The following PPP1R12A variants were observed in gnomAD, a reference collection of about 807,000 sequenced individuals.
The protein encoded by PPP1R12A is myosin binding subunit.
In PPP1R12A, 19 loss-of-function variants were observed where a neutral mutation model predicts 139.6. The ratio of observed to expected loss-of-function variants is 0.14; its 90% confidence interval spans 0.09 to 0.20. The LOEUF is 0.20. Among genes scored for constraint, PPP1R12A ranks in the 10% least tolerant of loss-of-function variants. The probability of loss-of-function intolerance (pLI) is 1.00; values close to 1 mark genes in which losing one functional copy is unlikely to be tolerated. For synonymous variants in PPP1R12A, 427 were observed against 420.6 expected, an observed-to-expected ratio of 1.02 and a Z score of -0.19; for missense variants, 925 against 1,211.5, an observed-to-expected ratio of 0.76 and a Z score of 3.51.
In PPP1R12A at chr12:79,778,350, G is replaced by A. The variant is rs1425848967; in HGVS notation, c.3006+200C>T. On this transcript the variant is annotated intron_variant, in intron 24 of 24. Coordinates refer to ENST00000450142, the MANE Select transcript of PPP1R12A (RefSeq NM_002480.3). ...TTTATTTTTGCTCCTTCTTTTCATA[G>A]GTGTTAAGATTTGGGTTTTAGACCC... 47 of 363,626 alleles carry A rather than the reference G, an allele frequency of 1.3e-4. 1 individual carries two copies. The highest frequency in any genetic ancestry group is 1.0e-4 in the Non-Finnish European group (21 of 204,100). 22.5% of individuals were successfully genotyped at this position (363,626 alleles called of 1,614,324 possible). A position where few individuals can be genotyped will look rare whatever the true frequency, so the allele number is the denominator to read the frequency against.
intron 5 of PPP1R12A, 86 bp downstream of exon 5, chr12:79,828,234 A>G: frequency 8.4e-7 from 1 of 1,184,284 alleles, no homozygotes; most frequent in Non-Finnish European, 1.2e-6. Context: ...TAATCCTTAT[A>G]ACCTTTTGAG....
intron 5 of PPP1R12A, among the ~76,000 whole-genome samples, chr12:79,827,601 T>A (rs986034801): frequency 5.9e-5 from 9 of 152,144 alleles, no homozygotes; most frequent in Admixed American, 6.6e-5. Flanking sequence ...TGACTGATAG[T>A]GTATCTAAAA....
chr12:79,836,929 G>T (rs554801778), intron 3 of PPP1R12A, among the ~76,000 whole-genome samples: 18 of 152,234 alleles, frequency 1.2e-4, no homozygotes, highest in Middle Eastern at 6.8e-3. Flanking sequence ...CTATGCTCTG[G>T]TTTCATTTGT....
chr12:79,819,366 T>C (rs573424178), intron 8 of PPP1R12A: 7 of 152,350 alleles, frequency 4.6e-5, no homozygotes, highest in South Asian at 2.1e-4. Context: ...TTTTAAATAG[T>C]TCCTTGGTGT....
intron 2 of PPP1R12A, among the ~76,000 whole-genome samples, chr12:79,861,518 C>T (rs1189973698): frequency 6.6e-6 from 1 of 152,202 alleles, no homozygotes; most frequent in African/African-American, 2.4e-5. Flanking sequence ...GTTGCCTCAC[C>T]TGGGAAGCGC....
chr12:79,847,583 G>A (rs887818078), intron 2 of PPP1R12A, among the ~76,000 whole-genome samples: 1 of 151,944 alleles, frequency 6.6e-6, no homozygotes, highest in African/African-American at 2.4e-5. Flanking sequence ...GTATGCATCT[G>A]GCACTATGTT....
rs549150183 is a variant in PPP1R12A at position 79,909,300 on chromosome 12, T to C, written c.237+25395A>G. On this transcript the variant is annotated intron_variant, in intron 1 of 24. Transcript: ENST00000450142. ...TCTGTTATATCCTTAAATACTATTA[T>C]ATAAGTGTTTACTATTTACTATTCC... is the stretch of plus-strand genomic sequence containing the variant. Among the ~76,000 whole-genome samples, 4 of 152,330 alleles carry C rather than the reference T, an allele frequency of 2.6e-5. No individual in the cohort carries two copies. In the South Asian group the frequency reaches 6.2e-4, roughly 24 times the overall value.
At chr12:79,813,228 C>A (rs1175618890) in intron 9 of PPP1R12A, among the ~76,000 whole-genome samples, 2 of 152,084 alleles carry the variant, frequency 1.3e-5, no homozygotes, top group African/African-American at 2.4e-5. Context: ...ATTTTTCCTG[C>A]GAAAGTATTC....
rs1875559840 is a variant in PPP1R12A, at chr12:79,817,544, C to A, written c.1115-26G>T. On this transcript the variant is annotated intron_variant, in intron 8 of 24. Transcript: ENST00000450142. ...CTATTAAAGACAAACAATTAAGAGT[C>A]AAGATTCCATATATATTTGGTCTCA... The A allele has an allele frequency of 2.6e-6, 4 of 1,548,994 alleles. No individual in the cohort carries two copies. The South Asian group carries it at 4.8e-5, about 19-fold the overall frequency.
At chr12:79,822,993 T>C (rs1359854424) in intron 5 of PPP1R12A, among the ~76,000 whole-genome samples, 2 of 152,106 alleles carry the variant, frequency 1.3e-5, no homozygotes, top group African/African-American at 4.8e-5. Flanking sequence ...AACTTCTTGG[T>C]AGAGTAATAA....
Position 79,809,907 on chromosome 12 carries a change from G to A in PPP1R12A, c.1343C>T (p.Ala448Val). ...LGLRKTGSYG[A>V]LAEITASKEG... ...TTTAGATGCTGTGATTTCAGCAAGT[G>A]CACCATAGCTGCCCGTCTTTCTAAG... Residue 448 changes from alanine to valine, a missense_variant, in exon 10 of 25, where the codon GCA becomes GTA. Physicochemically the swap from Ala to Val is moderately conservative, Grantham distance 64. Transcript: ENST00000450142. 1 of 1,613,374 alleles carries A rather than the reference G, an allele frequency of 6.2e-7. No individual in the cohort carries two copies. The highest frequency in any genetic ancestry group is 8.5e-7 in the Non-Finnish European group (1 of 1,179,546).
intron 1 of PPP1R12A, among the ~76,000 whole-genome samples, chr12:79,927,014 CG>C (rs1290003241): frequency 3.0e-5 from 4 of 134,548 alleles, no homozygotes; most frequent in Admixed American, 2.4e-4. Context: ...TTGGGCAACA[CG>C]GGGAGACTCT....
chr12:79,806,595 A>G (rs548141071), intron 12 of PPP1R12A, among the ~76,000 whole-genome samples: 11 of 152,316 alleles, frequency 7.2e-5, no homozygotes, highest in Admixed American at 1.3e-4. Flanking sequence ...CATATTTTTG[A>G]AACTATTCCA....
chr12:79,870,772 CA>C lies in PPP1R12A; in HGVS notation c.368+2035del, dbSNP rs142298202. Among the ~76,000 whole-genome samples the C allele has an allele frequency of 7.4e-3, 1,121 of 152,298 alleles. 10 individuals are homozygous for C. Among genetic ancestry groups the C allele is most frequent in the African/African-American group, 0.026 (1,076 of 41,552 alleles). ...CTACTGATAACATTAGCAACTGCAA[CA>C]AACTGCTTACCCTTCCTCATACTTC... is the stretch of plus-strand genomic sequence containing the variant. On this transcript the variant is annotated intron_variant, in intron 2 of 24. Transcript: ENST00000450142.
chr12:79,797,831 T>C (rs1042465704), intron 15 of PPP1R12A, among the ~76,000 whole-genome samples: 1 of 152,106 alleles, frequency 6.6e-6, no homozygotes, highest in African/African-American at 2.4e-5. Flanking sequence ...AAGTGAAAAG[T>C]ATAAAGACAG....
intron 1 of PPP1R12A, among the ~76,000 whole-genome samples, chr12:79,893,177 C>T (rs1344449170): frequency 6.6e-6 from 1 of 151,862 alleles, no homozygotes; most frequent in Non-Finnish European, 1.5e-5. Flanking sequence ...ATAAAGGGTG[C>T]CCTGAGTAAT....
Position 79,845,425 on chromosome 12 carries a change from A to C in PPP1R12A, c.369-5T>G. 6.3e-7 allele frequency: 1 copy of C among 1,580,566 alleles called. No individual in the cohort carries two copies. The highest frequency in any genetic ancestry group is 8.6e-7 in the Non-Finnish European group (1 of 1,156,374). ...GCTCCTTGACCAATCAAAAACCTGT[A>C]AAACCAAAGGAAAAATAGTTAAGCA... On this transcript the variant is annotated splice_region_variant and splice_polypyrimidine_tract_variant and intron_variant, in intron 2 of 24. Transcript: ENST00000450142.
chr12:79,913,970 G>A (rs1886797086), intron 1 of PPP1R12A: 1 of 152,098 alleles, frequency 6.6e-6, no homozygotes, highest in Admixed American at 6.6e-5. Context: ...AAGTGGATAT[G>A]AGAATTCAGC....
At chr12:79,832,706 T>G in intron 3 of PPP1R12A, 1 of 381,020 alleles carries the variant, frequency 2.6e-6, no homozygotes, top group East Asian at 4.2e-5. Flanking sequence ...GGTTTTTGCT[T>G]CACAATACTA....
Sources: allele counts gnomAD v4.1 joint callset (sites outside exome capture counted in the v4.1 genomes callset), GRCh38; gene constraint gnomAD v4.1.1; transcripts MANE v1.5; gene names NCBI Gene and HGNC (gene_info 2026-07-23, HGNC 2026-07-21).